CHN1: variants seen among roughly 807,000 people sequenced by gnomAD.
CHN1 encodes the protein N-chimaerin.
Under a neutral mutation model 59.5 loss-of-function variants are expected in CHN1, and 37 were observed. The observed-to-expected ratio is 0.62, with a 90% CI of 0.48 to 0.82. The LOEUF is 0.82. Ranked by LOEUF, CHN1 falls within the 40% of genes least tolerant of loss-of-function variation. CHN1 has a pLI of 0.00. For missense variants in CHN1, 469 were observed against 571.0 expected (o/e 0.82, Z 1.82); for synonymous variants, 206 against 200.4 (o/e 1.03, Z -0.24).
intron 4 of CHN1, among the ~76,000 whole-genome samples, chr2:174,916,040 G>A (rs1174658303): frequency 6.6e-6 from 1 of 152,140 alleles, no homozygotes; most frequent in Non-Finnish European, 1.5e-5. Context: ...TGCAGACACA[G>A]GCTTTCTCTG....
intron 3 of CHN1, among the ~76,000 whole-genome samples, chr2:174,934,089 G>A (rs1689429562): frequency 6.6e-6 from 1 of 152,184 alleles, no homozygotes; most frequent in African/African-American, 2.4e-5. Context: ...AGGGGTCAGA[G>A]GTGAGGGGAT....
At chr2:174,847,333 CTTTT>C in intron 6 of CHN1, 3 of 1,289,280 alleles carry the variant, frequency 2.3e-6, no homozygotes, top group Non-Finnish European at 2.9e-6. Context: ...TTCTTTCTTC[CTTTT>C]TTTTTCTTAA....
At chr2:174,852,284 C>CA (rs1202130511) in intron 6 of CHN1, among the ~76,000 whole-genome samples, 2 of 151,486 alleles carry the variant, frequency 1.3e-5, no homozygotes, top group South Asian at 2.1e-4. Context: ...GATTCTGTCT[C>CA]AAAAAAACAA....
chr2:174,802,166 T>C (rs905201450), intron 11 of CHN1: 2 of 250,552 alleles, frequency 8.0e-6, no homozygotes, highest in South Asian at 5.2e-5. Context: ...TACATTCAAA[T>C]GAAGTGACCT....
intron 5 of CHN1, among the ~76,000 whole-genome samples, chr2:174,904,572 G>GAA (rs1688487121): frequency 6.6e-6 from 1 of 152,066 alleles, no homozygotes; most frequent in Non-Finnish European, 1.5e-5. Flanking sequence ...ACTTTTAGTA[G>GAA]AGACGGGGTT....
intron 5 of CHN1, 103 bp downstream of exon 5, chr2:174,914,955 C>G: frequency 3.5e-6 from 2 of 574,344 alleles, no homozygotes; most frequent in Non-Finnish European, 5.8e-6. Context: ...CCCAAGAAAA[C>G]AAGAACCAAT....
At chr2:174,867,060 A>ATT (rs112322984) in intron 6 of CHN1, among the ~76,000 whole-genome samples, 3 of 144,150 alleles carry the variant, frequency 2.1e-5, no homozygotes, top group Non-Finnish European at 3.0e-5. Context: ...TTTTTACTTA[A>ATT]TTTTTTTTTT....
intron 1 of CHN1, among the ~76,000 whole-genome samples, chr2:174,969,094 T>C (rs1173237951): frequency 6.6e-6 from 1 of 152,204 alleles, no homozygotes; most frequent in East Asian, 1.9e-4. Context: ...TGAAAAATCC[T>C]GCATTCCAGC....
At chr2:174,819,947 G>A (rs1452400102) in intron 8 of CHN1, among the ~76,000 whole-genome samples, 2 of 150,924 alleles carry the variant, frequency 1.3e-5, no homozygotes, top group Admixed American at 6.6e-5. Flanking sequence ...AGTTTACTGA[G>A]AATGATGATT....
At chr2:174,830,125 C>G (rs1025016565) in intron 7 of CHN1, among the ~76,000 whole-genome samples, 2 of 151,708 alleles carry the variant, frequency 1.3e-5, no homozygotes, top group African/African-American at 2.4e-5. Flanking sequence ...CCCAGCTACT[C>G]GGGAGGCTGA....
chr2:174,900,603 C>T (rs964528288), intron 5 of CHN1, among the ~76,000 whole-genome samples: 16 of 152,082 alleles, frequency 1.1e-4, no homozygotes, highest in Non-Finnish European at 2.1e-4. Flanking sequence ...GTCAGGAGTT[C>T]GAGACCAACC....
At chr2:174,813,575 G>T (rs539045544) in intron 8 of CHN1, among the ~76,000 whole-genome samples, 1 of 152,288 alleles carries the variant, frequency 6.6e-6, no homozygotes, top group Admixed American at 6.5e-5. Context: ...AAAGTACAAA[G>T]AAATTTTAGA....
intron 5 of CHN1, among the ~76,000 whole-genome samples, chr2:174,901,512 C>T (rs1688388722): frequency 6.6e-6 from 1 of 152,190 alleles, no homozygotes; most frequent in Non-Finnish European, 1.5e-5. Flanking sequence ...CCTTCCACAG[C>T]ATTTGCCTCA....
At chr2:174,912,133 G>T (rs543380547) in intron 5 of CHN1, among the ~76,000 whole-genome samples, 1 of 151,890 alleles carries the variant, frequency 6.6e-6, no homozygotes, top group Non-Finnish European at 1.5e-5. Flanking sequence ...TAAAAAATAC[G>T]AAATATGAAA....
intron 7 of CHN1, chr2:174,837,321 CCAAA>C (rs906712090): frequency 1.3e-4 from 20 of 152,064 alleles, no homozygotes; most frequent in African/African-American, 4.6e-4. Flanking sequence ...AGGTGAAGCT[CCAAA>C]CAAAGGTAGT....
chr2:174,978,071 G>A (rs1339479615), intron 1 of CHN1, among the ~76,000 whole-genome samples: 2 of 152,072 alleles, frequency 1.3e-5, no homozygotes, highest in Admixed American at 6.5e-5. Flanking sequence ...AATTAATATT[G>A]GGCAAAAAGG....
At chr2:174,931,071 A>G (rs1689332045) in intron 3 of CHN1, among the ~76,000 whole-genome samples, 1 of 152,016 alleles carries the variant, frequency 6.6e-6, no homozygotes, top group Admixed American at 6.6e-5. Flanking sequence ...CCAGGCCTAT[A>G]GCTGAATTTT....
intron 6 of CHN1, among the ~76,000 whole-genome samples, chr2:174,876,473 T>A (rs1468624971): frequency 6.6e-6 from 1 of 152,194 alleles, no homozygotes; most frequent in African/African-American, 2.4e-5. Context: ...AAATGGGAAC[T>A]AGACCATGAA....
chr2:174,826,952 T>C (rs993847520), intron 7 of CHN1, among the ~76,000 whole-genome samples: 5 of 152,204 alleles, frequency 3.3e-5, no homozygotes, highest in Non-Finnish European at 7.3e-5. Context: ...TTTTGTTTTT[T>C]AAATCGTTTA....
Sources: gnomAD v4.1 joint callset for allele counts (sites outside exome capture counted in the v4.1 genomes callset) on GRCh38, gnomAD v4.1.1 for gene constraint, MANE v1.5 for transcripts, NCBI Gene and HGNC (gene_info 2026-07-23, HGNC 2026-07-21) for gene names.